ARHGAP6: variants seen among roughly 807,000 people sequenced by gnomAD.
ARHGAP6 encodes the protein rho GTPase-activating protein 6.
In ARHGAP6, 16 loss-of-function variants were observed where a neutral mutation model predicts 55.7. That is an observed-to-expected ratio of 0.29 (90% CI 0.19 to 0.44). The LOEUF (loss-of-function observed/expected upper bound fraction) is 0.44. Among genes scored for constraint, ARHGAP6 ranks in the 20% least tolerant of loss-of-function variants. The pLI, the probability that ARHGAP6 is intolerant of heterozygous loss-of-function variation, is 1.00. For missense variants in ARHGAP6, 698 were observed against 808.9 expected (o/e 0.86, Z 1.66); for synonymous variants, 382 against 360.9 (o/e 1.06, Z -0.66).
chrX:11,502,803 CT>C (rs1379227873), intron 1 of ARHGAP6, among the ~76,000 whole-genome samples: 1 of 112,140 alleles, frequency 8.9e-6, no homozygotes. Flanking sequence ...TGTTAATCAA[CT>C]GTTTATGTTA....
chrX:11,184,311 C>G (rs775493997), intron 5 of ARHGAP6, among the ~76,000 whole-genome samples: 17 of 112,591 alleles, frequency 1.5e-4, no homozygotes, highest in Admixed American at 1.3e-3. Flanking sequence ...TGGTCTCAAA[C>G]TCCCAGGCTC....
intron 1 of ARHGAP6, chrX:11,351,494 A>C: frequency 1.1e-6 from 1 of 947,609 alleles, no homozygotes; most frequent in African/African-American, 2.0e-5. Context: ...ATTCCCCTCC[A>C]TCTCGTCCTG....
intron 3 of ARHGAP6, among the ~76,000 whole-genome samples, chrX:11,191,068 C>T (rs946506181): frequency 1.8e-5 from 2 of 112,705 alleles, no homozygotes; most frequent in East Asian, 5.5e-4. Context: ...GTACTGCACT[C>T]AAGAGCTCAA....
At chrX:11,438,499 C>T (rs766389813) in intron 1 of ARHGAP6, among the ~76,000 whole-genome samples, 7 of 112,621 alleles carry the variant, frequency 6.2e-5, no homozygotes, top group Non-Finnish European at 7.5e-5. Context: ...CACAGCCAGG[C>T]ACATAGAAGC....
At chrX:11,260,042 G>A (rs1033268393) in intron 1 of ARHGAP6, among the ~76,000 whole-genome samples, 16 of 111,247 alleles carry the variant, frequency 1.4e-4, no homozygotes, top group Non-Finnish European at 5.7e-5. Flanking sequence ...AGAGGTAGAG[G>A]CAGAAGCGAG....
At chrX:11,581,432 T>C (rs1169122236) in intron 1 of ARHGAP6, among the ~76,000 whole-genome samples, 1 of 111,104 alleles carries the variant, frequency 9.0e-6, no homozygotes, top group East Asian at 2.8e-4. Flanking sequence ...TTAAGAAAAA[T>C]AAAAACATAC....
chrX:11,632,060 T>A (rs1481232156), intron 1 of ARHGAP6, among the ~76,000 whole-genome samples: 3 of 111,905 alleles, frequency 2.7e-5, no homozygotes, highest in Non-Finnish European at 5.6e-5. Context: ...TTAAATATGA[T>A]GTAAATGTTC....
intron 2 of ARHGAP6, among the ~76,000 whole-genome samples, chrX:11,238,564 T>C (rs1288898308): frequency 8.9e-6 from 1 of 112,108 alleles, no homozygotes; most frequent in African/African-American, 3.2e-5. Flanking sequence ...CAGCCCTCCA[T>C]GGGCCAGAAT....
chrX:11,553,471 G>A (rs62587982), intron 1 of ARHGAP6, among the ~76,000 whole-genome samples: 24 of 111,274 alleles, frequency 2.2e-4, no homozygotes, highest in Non-Finnish European at 3.4e-4. Context: ...TCGAACTTCT[G>A]GACTCAAGCA....
chrX:11,176,337 ATATATATATAT>A (rs2046223488), intron 8 of ARHGAP6, among the ~76,000 whole-genome samples: 1 of 62,286 alleles, frequency 1.6e-5, no homozygotes, highest in South Asian at 9.6e-4. Context: ...ATATATATAT[ATATATATATAT>A]ATCTCCCCTA....
intron 9 of ARHGAP6, 130 bp from the exon 10 acceptor site, chrX:11,156,756 T>A: frequency 2.0e-6 from 1 of 503,180 alleles, no homozygotes; most frequent in Non-Finnish European, 3.3e-6. Context: ...ATTTGCTGGT[T>A]AAAACCAAAC....
chrX:11,316,173 T>C (rs2048357839), intron 1 of ARHGAP6, among the ~76,000 whole-genome samples: 1 of 112,245 alleles, frequency 8.9e-6, no homozygotes, highest in South Asian at 3.7e-4. Context: ...CATCTCTCAC[T>C]TGGATTGCTG....
rs1266250392 is a variant in ARHGAP6 at position 11,453,501 on chromosome X, A to T, written c.589-198794T>A. 8.3e-5 allele frequency among the ~76,000 whole-genome samples: 9 copies of T among 108,905 alleles called. 1 individual carries two copies. In the East Asian group the frequency reaches 2.6e-3, roughly 31 times the overall value. 94.6% of individuals were successfully genotyped at this position (108,905 alleles called of 115,157 possible). Reference sequence around the variant, plus strand: ...AGGTACAAATCTGGTTATAGTGTTTAAGGATGGTGATGGGAGAGGAAAGAA... The same window carrying T: ...AGGTACAAATCTGGTTATAGTGTTTTAGGATGGTGATGGGAGAGGAAAGAA... On this transcript the variant is annotated intron_variant, in intron 1 of 12. Coordinates refer to ENST00000337414, the MANE Select transcript of ARHGAP6 (RefSeq NM_013427.3).
Position 11,196,685 on chromosome X carries a change from G to A in ARHGAP6, c.820+240C>T, listed in dbSNP as rs193222514. On this transcript the variant is annotated intron_variant, in intron 3 of 12. Transcript: ENST00000337414. The stretch of plus-strand genomic sequence containing the variant: ...TAGCTGATTGGTCAAAATAATAATT[G>A]GAACCACAAACTTGGCCGAGGTCAC... Among the ~76,000 whole-genome samples the A allele has an allele frequency of 6.3e-5, 7 of 111,320 alleles. No individual in the cohort carries two copies. In the East Asian group the frequency reaches 2.0e-3, roughly 31 times the overall value.
At chrX:11,492,839 G>A (rs1367831739) in intron 1 of ARHGAP6, among the ~76,000 whole-genome samples, 3 of 111,827 alleles carry the variant, frequency 2.7e-5, no homozygotes, top group Non-Finnish European at 5.7e-5. Context: ...TTCAATTCTC[G>A]GCCCCATTAA....
chrX:11,601,787 G>A (rs1488433475), intron 1 of ARHGAP6, among the ~76,000 whole-genome samples: 1 of 111,927 alleles, frequency 8.9e-6, no homozygotes, highest in Non-Finnish European at 1.9e-5. Flanking sequence ...GCACAACCAT[G>A]TTGGCAGTAA....
chrX:11,446,431 T>C (rs755742370), intron 1 of ARHGAP6, among the ~76,000 whole-genome samples: 2 of 112,230 alleles, frequency 1.8e-5, no homozygotes, highest in South Asian at 7.4e-4. Context: ...AACATGGATG[T>C]AAGGAACTGT....
chrX:11,317,821 T>C (rs1251718959), intron 1 of ARHGAP6, among the ~76,000 whole-genome samples: 2 of 111,628 alleles, frequency 1.8e-5, no homozygotes, highest in East Asian at 2.8e-4. Context: ...ACTGTTGTTA[T>C]GGAATTATAG....
intron 1 of ARHGAP6, among the ~76,000 whole-genome samples, chrX:11,290,723 A>C (rs1352390892): frequency 9.0e-6 from 1 of 111,572 alleles, no homozygotes; most frequent in Non-Finnish European, 1.9e-5. Context: ...ACTTATCCAA[A>C]GGCCACCCTC....
Sources: gnomAD v4.1 joint callset for allele counts (sites outside exome capture counted in the v4.1 genomes callset) on GRCh38, gnomAD v4.1.1 for gene constraint, MANE v1.5 for transcripts, NCBI Gene and HGNC (gene_info 2026-07-23, HGNC 2026-07-21) for gene names.